Variants in HIBADH observed in about 807,000 individuals in gnomAD.
HIBADH encodes the protein 3-hydroxyisobutyrate dehydrogenase, mitochondrial.
A neutral mutation model predicts 36.1 loss-of-function variants in HIBADH; 25 were observed. The ratio of observed to expected loss-of-function variants is 0.69; its 90% CI spans 0.50 to 0.97. The LOEUF is 0.97. Ranked by LOEUF, HIBADH falls within the 50% of genes least tolerant of loss-of-function variation. HIBADH has a pLI of 0.00. For missense variants in HIBADH, 421 were observed against 418.0 expected, an observed-to-expected ratio of 1.01 and a Z score of -0.06; for synonymous variants, 160 against 149.5, an observed-to-expected ratio of 1.07 and a Z score of -0.51.
chr7:27,588,214 G>A (rs1784890877), intron 4 of HIBADH, among the ~76,000 whole-genome samples: 1 of 152,196 alleles, frequency 6.6e-6, no homozygotes, highest in Non-Finnish European at 1.5e-5. Flanking sequence ...GGACAATGGA[G>A]GGTTGTTGGT....
At chr7:27,640,043 C>T (rs1180742623) in intron 2 of HIBADH, among the ~76,000 whole-genome samples, 1 of 152,174 alleles carries the variant, frequency 6.6e-6, no homozygotes, top group African/African-American at 2.4e-5. Flanking sequence ...AAGCATAGGA[C>T]TTTGGTCACC....
chr7:27,632,542 T>G, intron 2 of HIBADH, 97 bp from the exon 3 acceptor site: 1 of 645,900 alleles, frequency 1.5e-6, no homozygotes, highest in Non-Finnish European at 2.7e-6. Flanking sequence ...CCTATAACAG[T>G]GACAGTGCAT....
intron 1 of HIBADH, among the ~76,000 whole-genome samples, chr7:27,660,190 C>T (rs915631358): frequency 6.6e-6 from 1 of 152,198 alleles, no homozygotes; most frequent in Non-Finnish European, 1.5e-5. Context: ...AAACATACTA[C>T]AAATATCCAA....
chr7:27,592,703 C>A (rs746739005), intron 4 of HIBADH, among the ~76,000 whole-genome samples: 2 of 152,142 alleles, frequency 1.3e-5, no homozygotes, highest in South Asian at 2.1e-4. Flanking sequence ...ACTACAAATG[C>A]CTCTCACTTG....
At chr7:27,580,605 A>G (rs774156326) in intron 4 of HIBADH, among the ~76,000 whole-genome samples, 1 of 152,212 alleles carries the variant, frequency 6.6e-6, no homozygotes, top group Non-Finnish European at 1.5e-5. Context: ...ACTGCAATTT[A>G]TATCTTTTTT....
chr7:27,648,050 G>A (rs1277762009), intron 2 of HIBADH, among the ~76,000 whole-genome samples: 1 of 152,158 alleles, frequency 6.6e-6, no homozygotes, highest in East Asian at 1.9e-4. Context: ...ATAAACCACT[G>A]TAAAATGGCA....
chr7:27,552,192 G>GT (rs1784328639), intron 4 of HIBADH, among the ~76,000 whole-genome samples: 1 of 152,210 alleles, frequency 6.6e-6, no homozygotes, highest in Non-Finnish European at 1.5e-5. Flanking sequence ...TGATTTGTAA[G>GT]TGATCACTGT....
chr7:27,611,726 C>T (rs1040419886), intron 4 of HIBADH, among the ~76,000 whole-genome samples: 7 of 152,106 alleles, frequency 4.6e-5, no homozygotes, highest in African/African-American at 1.4e-4. Context: ...ATTAGACATA[C>T]GGGGAGTCAG....
intron 1 of HIBADH, among the ~76,000 whole-genome samples, chr7:27,660,328 T>C (rs1455018224): frequency 6.6e-6 from 1 of 152,204 alleles, no homozygotes; most frequent in Admixed American, 6.5e-5. Context: ...TTAACACTTT[T>C]GCAGTAAACT....
chr7:27,617,687 CG>C (rs1014609868), intron 4 of HIBADH, among the ~76,000 whole-genome samples: 3 of 152,136 alleles, frequency 2.0e-5, no homozygotes, highest in Non-Finnish European at 2.9e-5. Flanking sequence ...TACAGGAAAA[CG>C]GTAAGTAAAA....
chr7:27,618,096 G>A (rs1370295437), intron 4 of HIBADH, among the ~76,000 whole-genome samples: 1 of 152,214 alleles, frequency 6.6e-6, no homozygotes, highest in Admixed American at 6.5e-5. Flanking sequence ...TGCAAAGGAA[G>A]AGTGAACTCT....
intron 4 of HIBADH, among the ~76,000 whole-genome samples, chr7:27,566,728 G>A (rs1443756442): frequency 6.6e-6 from 1 of 151,972 alleles, no homozygotes; most frequent in Non-Finnish European, 1.5e-5. Flanking sequence ...CTACAAATAT[G>A]TTGTATTTAT....
At chr7:27,625,790 T>C (rs1464084958) in intron 4 of HIBADH, among the ~76,000 whole-genome samples, 1 of 152,078 alleles carries the variant, frequency 6.6e-6, no homozygotes, top group African/African-American at 2.4e-5. Flanking sequence ...TATAGCGTGA[T>C]GTGGGCTCTG....
intron 4 of HIBADH, among the ~76,000 whole-genome samples, chr7:27,619,659 T>C (rs377270879): frequency 2.0e-5 from 3 of 152,104 alleles, no homozygotes; most frequent in Admixed American, 6.5e-5. Flanking sequence ...AAAGAACTTA[T>C]TGGAGGAAAT....
At chr7:27,582,705 T>C (rs1192057151) in intron 4 of HIBADH, among the ~76,000 whole-genome samples, 2 of 152,148 alleles carry the variant, frequency 1.3e-5, no homozygotes, top group African/African-American at 4.8e-5. Context: ...AAAATCAATC[T>C]GGTTTCCCAG....
chr7:27,582,970 T>G (rs190827884), intron 4 of HIBADH, among the ~76,000 whole-genome samples: 3 of 152,234 alleles, frequency 2.0e-5, no homozygotes, highest in Non-Finnish European at 4.4e-5. Flanking sequence ...AGATGATGTC[T>G]GTAAAGTACT....
At chr7:27,585,540 C>A (rs1784849693) in intron 4 of HIBADH, among the ~76,000 whole-genome samples, 1 of 152,162 alleles carries the variant, frequency 6.6e-6, no homozygotes, top group Admixed American at 6.5e-5. Flanking sequence ...TTCATTGTGG[C>A]TCACATTTCA....
In HIBADH at chr7:27,538,378, T is replaced by C. The variant is rs765161843; in HGVS notation, c.658A>G (p.Met220Val). The C allele has an allele frequency of 4.3e-6, 7 of 1,613,088 alleles. No homozygotes were observed. In the East Asian group the frequency reaches 1.1e-4, roughly 26 times the overall value. Residue 220 changes from methionine (M) to valine (V), a missense_variant, in exon 6 of 8, where the codon ATG becomes GTG. Coordinates refer to ENST00000265395, the MANE Select transcript of HIBADH (RefSeq NM_152740.4). ...TTCATAGCTTCAGCAGTTCCAATCA[T>C]ACTAATAGCTAACAGCATGTTGTTG... ...ICNNMLLAIS[M>V]IGTAEAMNLG...
At chr7:27,580,906 A>G (rs1400958156) in intron 4 of HIBADH, among the ~76,000 whole-genome samples, 3 of 152,184 alleles carry the variant, frequency 2.0e-5, no homozygotes, top group Non-Finnish European at 4.4e-5. Context: ...TGCTTGGCCA[A>G]TTCTAACAGG....
Sources: gnomAD v4.1 joint callset for allele counts (sites outside exome capture counted in the v4.1 genomes callset) on GRCh38, gnomAD v4.1.1 for gene constraint, MANE v1.5 for transcripts, NCBI Gene and HGNC (gene_info 2026-07-23, HGNC 2026-07-21) for gene names.